Variants in ITSN1 observed in about 807,000 individuals in gnomAD.
The protein encoded by ITSN1 is intersectin-1.
A neutral mutation model predicts 239.8 loss-of-function variants in ITSN1; 58 were observed. The ratio of observed to expected loss-of-function variants is 0.24; its 90% CI spans 0.20 to 0.30. ITSN1 has a LOEUF of 0.30. Ranked by LOEUF, ITSN1 falls within the 10% of genes least tolerant of loss-of-function variation. The pLI is 1.00. For synonymous variants in ITSN1, 780 were observed against 770.8 expected (o/e 1.01, Z -0.20); for missense variants, 1,558 against 2,103.3 (o/e 0.74, Z 5.07).
At chr21:33,645,163 C>T (rs886683926) in intron 1 of ITSN1, among the ~76,000 whole-genome samples, 11 of 152,130 alleles carry the variant, frequency 7.2e-5, no homozygotes, top group Admixed American at 6.6e-5. Flanking sequence ...AATTTGCTAA[C>T]ATTTGTGAGT....
At chr21:33,853,099 A>T (rs1220968207) in intron 29 of ITSN1, among the ~76,000 whole-genome samples, 5 of 152,198 alleles carry the variant, frequency 3.3e-5, no homozygotes, top group African/African-American at 4.8e-5. Context: ...GGTCAATTTG[A>T]TGGCTAAAAA....
intron 29 of ITSN1, chr21:33,837,084 T>G: frequency 6.3e-7 from 1 of 1,575,442 alleles, no homozygotes; most frequent in Non-Finnish European, 8.6e-7. Flanking sequence ...AGATGCAGCC[T>G]TGATCATGTG....
At chr21:33,844,655 C>T (rs2074931521) in intron 29 of ITSN1, among the ~76,000 whole-genome samples, 1 of 152,144 alleles carries the variant, frequency 6.6e-6, no homozygotes, top group African/African-American at 2.4e-5. Flanking sequence ...CCCAAGATGC[C>T]TCTCAATATC....
intron 1 of ITSN1, among the ~76,000 whole-genome samples, chr21:33,674,644 A>G (rs968307905): frequency 2.0e-5 from 3 of 152,232 alleles, no homozygotes; most frequent in East Asian, 1.9e-4. Context: ...GAAAATAGAC[A>G]TAAACTTTAG....
rs1365599977 is a variant in ITSN1, at chr21:33,749,807, G to GTC, written c.347-335_347-334dup. 1.6e-4 allele frequency among the ~76,000 whole-genome samples: 24 copies of GTC among 152,112 alleles called. No individual in the cohort carries two copies. In the East Asian group the frequency reaches 4.4e-3, roughly 28 times the overall value. ...AAAGTAGTAAATTGATTGCCTTAGTGTCCTCCTTTTTTGACCAGTTAGGAT... is the reference window on the plus strand; with the variant it reads ...AAAGTAGTAAATTGATTGCCTTAGTGTCTCCTCCTTTTTTGACCAGTTAGGAT... On this transcript the variant is annotated intron_variant, in intron 5 of 39. Transcript: ENST00000381318.
At chr21:33,838,488 T>C (rs2074709150) in intron 29 of ITSN1, 1 of 978,602 alleles carries the variant, frequency 1.0e-6, no homozygotes, top group Non-Finnish European at 1.2e-6. Flanking sequence ...AAATTCTTCA[T>C]ACAAAAGTTA....
At chr21:33,813,567 G>C (rs2073059838) in intron 21 of ITSN1, among the ~76,000 whole-genome samples, 1 of 151,936 alleles carries the variant, frequency 6.6e-6, no homozygotes, top group African/African-American at 2.4e-5. Flanking sequence ...TGGTCAGACT[G>C]GTCTCGAACT....
chr21:33,760,916 T>G (rs889354805), intron 8 of ITSN1, among the ~76,000 whole-genome samples: 10 of 152,180 alleles, frequency 6.6e-5, no homozygotes, highest in Non-Finnish European at 1.5e-4. Context: ...AAACTGAGTC[T>G]CCTACTGTGC....
At chr21:33,815,541 C>T (rs979486969) in intron 22 of ITSN1, among the ~76,000 whole-genome samples, 4 of 151,400 alleles carry the variant, frequency 2.6e-5, no homozygotes, top group Non-Finnish European at 5.9e-5. Context: ...ACTGCAGGGG[C>T]GTAAAAGGAA....
At chr21:33,878,008 T>TTGTGTGTGTGTGTGTGTGTGTG (rs71194867) in intron 34 of ITSN1, among the ~76,000 whole-genome samples, 1 of 140,230 alleles carries the variant, frequency 7.1e-6, no homozygotes. Flanking sequence ...CTCTCTCTCT[T>TTGTGTGTGTGTGTGTGTGTGTG]TGTGTGTGTG....
chr21:33,892,707 G>A lies in ITSN1; in HGVS notation c.*4407G>A, dbSNP rs1364960710. 1.3e-5 allele frequency: 2 copies of A among 152,232 alleles called. No individual in the cohort carries two copies. Among genetic ancestry groups the A allele is most frequent in the African/African-American group, 4.8e-5 (2 of 41,454 alleles). 9.4% of individuals were successfully genotyped at this position (152,232 alleles called of 1,614,324 possible). A position where few individuals can be genotyped will look rare whatever the true frequency, so the allele number is the denominator to read the frequency against. On this transcript the variant is annotated 3_prime_UTR_variant, in exon 40 of 40. Coordinates refer to ENST00000381318, the MANE Select transcript of ITSN1 (RefSeq NM_003024.3). ...TTGATCTAGCAGCCTCCTGCACGTAGACACTCAGTTCATTTTAGGGACGTT... is the reference window on the plus strand; with the variant it reads ...TTGATCTAGCAGCCTCCTGCACGTAAACACTCAGTTCATTTTAGGGACGTT...
chr21:33,867,146 G>A, intron 32 of ITSN1, 87 bp from the exon 33 acceptor site: 1 of 776,744 alleles, frequency 1.3e-6, no homozygotes, highest in Non-Finnish European at 2.3e-6. Context: ...GATAATGGGT[G>A]GAGAGTCCTC....
At chr21:33,731,860 G>A (rs2066207557) in intron 4 of ITSN1, among the ~76,000 whole-genome samples, 1 of 152,170 alleles carries the variant, frequency 6.6e-6, no homozygotes, top group African/African-American at 2.4e-5. Context: ...TTTATTCCAA[G>A]CCGAATATGA....
intron 4 of ITSN1, among the ~76,000 whole-genome samples, chr21:33,725,133 G>GTTTTTTTTTTTTTTTTTTT: frequency 1.1e-5 from 1 of 91,180 alleles, no homozygotes; most frequent in Non-Finnish European, 2.0e-5. Flanking sequence ...TTTTTTTTTT[G>GTTTTTTTTTTTTTTTTTTT]TTTTTTTTTT....
chr21:33,829,847 C>A, intron 27 of ITSN1, 102 bp downstream of exon 27: 1 of 1,351,914 alleles, frequency 7.4e-7, no homozygotes, highest in Non-Finnish European at 1.0e-6. Context: ...CACCCCTCAC[C>A]ACCTAAATTC....
intron 19 of ITSN1, 33 bp downstream of exon 19, chr21:33,799,962 GT>G (rs1249980945): frequency 6.2e-7 from 1 of 1,602,378 alleles, no homozygotes; most frequent in South Asian, 1.1e-5. Context: ...GGTCATTTCT[GT>G]TGAAGATTAG....
At chr21:33,862,401 A>C (rs905419309) in intron 31 of ITSN1, among the ~76,000 whole-genome samples, 89 of 152,214 alleles carry the variant, frequency 5.8e-4, no homozygotes, top group African/African-American at 2.0e-3. Context: ...TTAAGCAGAA[A>C]ATGAAGGAAA....
At chr21:33,745,332 G>C (rs2067116005) in intron 5 of ITSN1, among the ~76,000 whole-genome samples, 1 of 152,174 alleles carries the variant, frequency 6.6e-6, no homozygotes, top group African/African-American at 2.4e-5. Flanking sequence ...AAAAGAAAAT[G>C]AAAAGGATGG....
At position 33,893,254 on chromosome 21, in the gene ITSN1, T is replaced by C. The variant is rs1824618403; in HGVS notation, c.*4954T>C. The C allele has an allele frequency of 6.6e-6, 1 of 152,248 alleles. No individual in the cohort carries two copies. The highest frequency in any genetic ancestry group is 2.4e-5 in the African/African-American group (1 of 41,440). 9.4% of individuals were successfully genotyped at this position (152,248 alleles called of 1,614,324 possible). A position where few individuals can be genotyped will look rare whatever the true frequency, so the allele number is the denominator to read the frequency against. ...ATATTTTTATTCTATTTTGAATGGTTCCGATCAATTAATGTTGCTTTGTGT... is the reference window on the plus strand; with the variant it reads ...ATATTTTTATTCTATTTTGAATGGTCCCGATCAATTAATGTTGCTTTGTGT... On this transcript the variant is annotated 3_prime_UTR_variant, in exon 40 of 40. Coordinates refer to ENST00000381318, the MANE Select transcript of ITSN1 (RefSeq NM_003024.3).
Sources: allele counts gnomAD v4.1 joint callset (sites outside exome capture counted in the v4.1 genomes callset), GRCh38; gene constraint gnomAD v4.1.1; transcripts MANE v1.5; gene names NCBI Gene and HGNC (gene_info 2026-07-23, HGNC 2026-07-21).